Variants in ZNF83 observed in about 807,000 individuals in gnomAD.
The protein encoded by ZNF83 is zinc finger protein 816B.
For synonymous variants in ZNF83, 209 were observed against 213.0 expected (o/e 0.98, Z 0.17); for missense variants, 552 against 629.9 (o/e 0.88, Z 1.32).
intron 3 of ZNF83, among the ~76,000 whole-genome samples, chr19:52,644,647 A>C (rs2061349902): frequency 6.6e-6 from 1 of 152,206 alleles, no homozygotes; most frequent in Non-Finnish European, 1.5e-5. Flanking sequence ...GTGTGAACAC[A>C]CAGTTATTGA....
chr19:52,650,026 C>T (rs113554663), intron 3 of ZNF83, among the ~76,000 whole-genome samples: 11 of 151,992 alleles, frequency 7.2e-5, no homozygotes, highest in African/African-American at 2.4e-4. Flanking sequence ...AAACCCAGTA[C>T]CCTAAGACTC....
At chr19:52,614,534 G>T (rs746214407) in exon 3 of ZNF83, 2 of 1,600,066 alleles carry the variant, frequency 1.2e-6, no homozygotes, top group Admixed American at 3.4e-5. Context: ...TTAACAGGCT[G>T]CTTTTGTGCA....
chr19:52,651,631 C>G (rs2061441362), intron 3 of ZNF83: 4 of 138,894 alleles, frequency 2.9e-5, no homozygotes. Context: ...TGCAGTGAAC[C>G]AAGATTGTGC....
upstream of ZNF83, among the ~76,000 whole-genome samples, chr19:52,641,118 C>G (rs2061298954): frequency 6.7e-6 from 1 of 148,464 alleles, no homozygotes; most frequent in Non-Finnish European, 1.5e-5. Flanking sequence ...TCTGCCCTTT[C>G]CCATTGTATG....
At chr19:52,680,132 T>A (rs2061883673) in intron 1 of ZNF83, among the ~76,000 whole-genome samples, 1 of 151,954 alleles carries the variant, frequency 6.6e-6, no homozygotes, top group Non-Finnish European at 1.5e-5. Context: ...TAAGAAGAGA[T>A]CACACCACTG....
intron 1 of ZNF83, among the ~76,000 whole-genome samples, chr19:52,685,073 C>A (rs973971483): frequency 7.9e-5 from 12 of 152,188 alleles, no homozygotes; most frequent in African/African-American, 2.7e-4. Context: ...TTCTGCTTTT[C>A]TTCATTTTTG....
intron 1 of ZNF83, among the ~76,000 whole-genome samples, chr19:52,674,820 T>TAA (rs1364112718): frequency 2.0e-5 from 3 of 152,222 alleles, no homozygotes; most frequent in Non-Finnish European, 2.9e-5. Flanking sequence ...GTTAAATGAT[T>TAA]ATACAACCCA....
Position 52,613,126 on chromosome 19 carries a change from G to T in ZNF83, c.1439C>A (p.Thr480Asn), listed in dbSNP as rs758916590. ...ATTACATTTGAAATGTTTCTCTCCA[G>T]TGTGGATCGCATGATGATTAGTGAG... Residue 480 changes from threonine to asparagine, a missense_variant, in exon 3 of 3, where the codon ACT (threonine) becomes AAT (asparagine). Coordinates refer to ENST00000301096, the Ensembl canonical transcript of ZNF83. 3 of 1,613,944 alleles carry T rather than the reference G, an allele frequency of 1.9e-6. No individual in the cohort carries two copies. In the African/African-American group the frequency reaches 4.0e-5, roughly 22 times the overall value.
At chr19:52,659,885 T>C (rs2061556205) in intron 2 of ZNF83, among the ~76,000 whole-genome samples, 1 of 152,148 alleles carries the variant, frequency 6.6e-6, no homozygotes, top group African/African-American at 2.4e-5. Flanking sequence ...AGGGAGCTCC[T>C]GTAATATTAT....
exon 3 of ZNF83, chr19:52,614,039 G>T: frequency 1.2e-6 from 2 of 1,613,238 alleles, no homozygotes; most frequent in South Asian, 2.2e-5. Context: ...CATTTATATG[G>T]TTTCTCTCCA....
intron 1 of ZNF83, among the ~76,000 whole-genome samples, chr19:52,679,801 AC>A (rs1441995792): frequency 6.6e-6 from 1 of 152,032 alleles, no homozygotes; most frequent in Non-Finnish European, 1.5e-5. Flanking sequence ...TTTTATGCAA[AC>A]TCACTCCATA....
chr19:52,643,309 C>CA (rs1462025949), upstream of ZNF83, among the ~76,000 whole-genome samples: 1 of 147,932 alleles, frequency 6.8e-6, no homozygotes, highest in Non-Finnish European at 1.5e-5. Flanking sequence ...AGTCAAGAAA[C>CA]AGAGACTGCA....
chr19:52,639,415 A>ATTTTTTTTTTTTTTTTTTTTTTT (rs1160711365), upstream of ZNF83, among the ~76,000 whole-genome samples: 3 of 86,306 alleles, frequency 3.5e-5, 1 homozygote, highest in East Asian at 1.1e-3. Context: ...AGTTTTTTCT[A>ATTTTTTTTTTTTTTTTTTTTTTT]TTTTTTTTTT....
chr19:52,655,865 T>A (rs1187011970), intron 2 of ZNF83, among the ~76,000 whole-genome samples: 1 of 152,192 alleles, frequency 6.6e-6, no homozygotes, highest in Non-Finnish European at 1.5e-5. Flanking sequence ...TTTCCCATGA[T>A]AGATTTTGAA....
At chr19:52,684,583 G>C (rs144300954) in intron 1 of ZNF83, among the ~76,000 whole-genome samples, 28 of 151,222 alleles carry the variant, frequency 1.9e-4, no homozygotes, top group African/African-American at 6.1e-4. Flanking sequence ...AAGAAAAAGT[G>C]CTTCTGATAT....
At chr19:52,630,253 A>G (rs924185319) in intron 2 of ZNF83, among the ~76,000 whole-genome samples, 4 of 152,162 alleles carry the variant, frequency 2.6e-5, no homozygotes, top group South Asian at 2.1e-4. Context: ...GAAGACTGAC[A>G]CTGCCCGATC....
upstream of ZNF83, among the ~76,000 whole-genome samples, chr19:52,640,722 G>A (rs115446651): frequency 6.6e-6 from 1 of 152,038 alleles, no homozygotes; most frequent in South Asian, 2.1e-4. Context: ...CCAGACTGAG[G>A]GGGGAGTTCG....
At chr19:52,614,520 A>T in exon 3 of ZNF83, 31 of 1,602,250 alleles carry the variant, frequency 1.9e-5, no homozygotes, top group Non-Finnish European at 2.6e-5. Context: ...ATCCAAGCTG[A>T]TTTTTAACAG....
intron 1 of ZNF83, among the ~76,000 whole-genome samples, chr19:52,690,265 A>G (rs1380765794): frequency 6.6e-6 from 1 of 151,908 alleles, no homozygotes; most frequent in Non-Finnish European, 1.5e-5. Context: ...GATGGGACCA[A>G]CCTCAGGGCG....
Sources: allele counts gnomAD v4.1 joint callset (sites outside exome capture counted in the v4.1 genomes callset), GRCh38; gene constraint gnomAD v4.1.1; transcripts MANE v1.5; gene names NCBI Gene and HGNC (gene_info 2026-07-23, HGNC 2026-07-21).